Variants in CEP192 observed in about 807,000 individuals in gnomAD.
CEP192 encodes centrosomal protein of 192 kDa.
In CEP192, 151 loss-of-function variants were observed where a neutral mutation model predicts 271.8. The ratio of observed to expected loss-of-function variants is 0.56; its 90% CI spans 0.49 to 0.64. The LOEUF (loss-of-function observed/expected upper bound fraction) is 0.64. Ranked by LOEUF, CEP192 falls within the 30% of genes least tolerant of loss-of-function variation. The pLI is 0.00. For synonymous variants in CEP192, 995 were observed against 1,076.5 expected (o/e 0.92, Z 1.48); for missense variants, 2,910 against 3,020.5 (o/e 0.96, Z 0.86).
At chr18:13,023,670 G>T (rs2035122280) in intron 9 of CEP192, among the ~76,000 whole-genome samples, 1 of 152,046 alleles carries the variant, frequency 6.6e-6, no homozygotes, top group Non-Finnish European at 1.5e-5. Flanking sequence ...GTGTTTATGG[G>T]AGAAATTGGT....
chr18:13,003,790 A>G lies in CEP192; in HGVS notation c.290+2208A>G, dbSNP rs188654510. On this transcript the variant is annotated intron_variant, in intron 3 of 44. Coordinates refer to ENST00000506447, the MANE Select transcript of CEP192 (RefSeq NM_032142.4). ...ACTCTAGTCTGGGTGACAGAGTGAG[A>G]CCCTATCTCAAAAAAAGGCCCACTC... Among the ~76,000 whole-genome samples the G allele has an allele frequency of 2.2e-3, 332 of 152,238 alleles. 3 individuals carry two copies. Among genetic ancestry groups the G allele is most frequent in the Non-Finnish European group, 4.1e-3 (276 of 67,994 alleles).
intron 17 of CEP192, among the ~76,000 whole-genome samples, chr18:13,051,639 G>A: frequency 6.6e-6 from 1 of 152,126 alleles, no homozygotes; most frequent in Non-Finnish European, 1.5e-5. Flanking sequence ...CGCCTCCCAG[G>A]TTCACGCCAT....
intron 21 of CEP192, among the ~76,000 whole-genome samples, chr18:13,067,607 C>G (rs1441257987): frequency 5.9e-5 from 9 of 152,120 alleles, no homozygotes; most frequent in Non-Finnish European, 1.2e-4. Flanking sequence ...GTAACAGCAG[C>G]TGAATTCTGT....
In CEP192 at chr18:13,056,625, A is replaced by G; in HGVS notation, c.4035A>G (p.Lys1345=). The G allele has an allele frequency of 6.2e-7, 1 of 1,614,026 alleles. No homozygotes were observed. The highest frequency in any genetic ancestry group is 8.5e-7 in the Non-Finnish European group (1 of 1,179,960). The change falls in exon 19 of 45, where the codon AAA becomes AAG. Residue 1345 remains lysine, a synonymous_variant. Coordinates refer to ENST00000506447, the MANE Select transcript of CEP192 (RefSeq NM_032142.4). ...ATCAGAACCTGCTAAGCACAACAAA[A>G]CCTTTTCCTGTGCCGTCTGTTGGTA... ...TLNQNLLSTT[K]PFPVPSVGTN...
chr18:13,015,064 G>A (rs977178800), intron 5 of CEP192, among the ~76,000 whole-genome samples: 2 of 152,198 alleles, frequency 1.3e-5, no homozygotes, highest in Non-Finnish European at 2.9e-5. Context: ...TATATTACGA[G>A]CCTCTCTGAG....
rs542989427 is a variant in CEP192 at position 13,042,222 on chromosome 18, C to T, written c.1955C>T (p.Ser652Phe). 2 of 1,612,418 alleles carry T rather than the reference C, an allele frequency of 1.2e-6. No individual in the cohort carries two copies. Among genetic ancestry groups the T allele is most frequent in the African/African-American group, 2.7e-5 (2 of 74,982 alleles). Residue 652 changes from serine to phenylalanine, a missense_variant, in exon 15 of 45, where the codon TCC becomes TTC. Transcript: ENST00000506447. ...CCTGCAGGAGATTTAAATGAACAGT[C>T]CCAGGCACAGCTAAGTGAAGGATCA... ...DLYSGDLNEQ[S>F]QAQLSEGSIT...
Position 13,068,109 on chromosome 18 carries a change from C to T in CEP192, c.4630C>T (p.Arg1544Cys), listed in dbSNP as rs761281163. 10 of 1,614,194 alleles carry T rather than the reference C, an allele frequency of 6.2e-6. No homozygotes were observed. The highest frequency in any genetic ancestry group is 2.2e-5 in the South Asian group (2 of 91,088). Residue 1544 changes from arginine to cysteine, a missense_variant, in exon 23 of 45, where the codon CGC becomes TGC. Coordinates refer to ENST00000506447, the MANE Select transcript of CEP192 (RefSeq NM_032142.4). ...TTCTAAACAGAACGCTGTAGCCTGGCGCTGTTTCACGTTTTCCAAGGAATC... is the reference window on the plus strand; with the variant it reads ...TTCTAAACAGAACGCTGTAGCCTGGTGCTGTTTCACGTTTTCCAAGGAATC... ...LIINANAVAW[R>C]CFTFSKESVR... is the part of the protein sequence containing the mutation.
chr18:13,079,168 C>T (rs137996557), intron 30 of CEP192, among the ~76,000 whole-genome samples: 9 of 152,196 alleles, frequency 5.9e-5, no homozygotes, highest in African/African-American at 1.9e-4. Context: ...GGGATTGCTG[C>T]GTCAAATGTA....
chr18:13,084,209 G>T (rs575407782), intron 30 of CEP192, among the ~76,000 whole-genome samples: 1 of 152,224 alleles, frequency 6.6e-6, no homozygotes, highest in Admixed American at 6.5e-5. Context: ...CTTTTTTTCA[G>T]CTATGCCCTG....
chr18:13,113,281 C>T (rs187517356), intron 40 of CEP192, among the ~76,000 whole-genome samples: 27 of 152,322 alleles, frequency 1.8e-4, no homozygotes, highest in Non-Finnish European at 3.4e-4. Flanking sequence ...GGACCTTCCT[C>T]GTGTAGGTGT....
chr18:13,079,954 G>A (rs1277861578), intron 30 of CEP192, among the ~76,000 whole-genome samples: 5 of 152,086 alleles, frequency 3.3e-5, no homozygotes, highest in Non-Finnish European at 7.4e-5. Context: ...GTAGATGTGT[G>A]GTGTTATTTC....
At chr18:13,097,013 A>G (rs1296752304) in intron 36 of CEP192, among the ~76,000 whole-genome samples, 1 of 152,176 alleles carries the variant, frequency 6.6e-6, no homozygotes, top group Non-Finnish European at 1.5e-5. Context: ...GACAACATGA[A>G]GTTTATTTAG....
chr18:13,092,789 T>C (rs1198626833), intron 34 of CEP192, among the ~76,000 whole-genome samples: 1 of 152,158 alleles, frequency 6.6e-6, no homozygotes, highest in Non-Finnish European at 1.5e-5. Flanking sequence ...TCTATTTGTA[T>C]GGAAGGTTTT....
Position 13,001,484 on chromosome 18 carries a change from A to C in CEP192, c.192A>C (p.Leu64Phe). 6.5e-7 allele frequency: 1 copy of C among 1,548,198 alleles called. No homozygotes were observed. ...NRYPDIQASY[L>F]VEGRFSVPSG... is the part of the protein sequence containing the mutation. ...ATCCTGATATCCAGGCATCTTACTTAGTAGAAGGGAGATTTTCAGTTCCAT... is the reference window on the plus strand; with the variant it reads ...ATCCTGATATCCAGGCATCTTACTTCGTAGAAGGGAGATTTTCAGTTCCAT... Residue 64 changes from leucine to phenylalanine, a missense_variant, in exon 3 of 45, where the codon TTA becomes TTC. Coordinates refer to ENST00000506447, the MANE Select transcript of CEP192 (RefSeq NM_032142.4).
intron 30 of CEP192, among the ~76,000 whole-genome samples, chr18:13,080,236 C>T (rs1016584482): frequency 6.6e-6 from 1 of 152,160 alleles, no homozygotes; most frequent in Non-Finnish European, 1.5e-5. Flanking sequence ...GCAGTGTGGC[C>T]ATTTTCACGA....
chr18:13,019,895 T>A (rs1292608556), intron 9 of CEP192, among the ~76,000 whole-genome samples: 1 of 151,872 alleles, frequency 6.6e-6, no homozygotes, highest in African/African-American at 2.4e-5. Flanking sequence ...TCACTGCAAC[T>A]TCTGCCTCCC....
At position 13,094,045 on chromosome 18, in the gene CEP192, G is replaced by T. The variant is rs117823990; in HGVS notation, c.6255-1458G>T. ...GGCCAGTTACTTTGTAAAATATCCCGCAATTTCAGTTTGCAGATTCAATTT... is the reference window on the plus strand; with the variant it reads ...GGCCAGTTACTTTGTAAAATATCCCTCAATTTCAGTTTGCAGATTCAATTT... On this transcript the variant is annotated intron_variant, in intron 34 of 44. Coordinates refer to ENST00000506447, the MANE Select transcript of CEP192 (RefSeq NM_032142.4). 9.9e-3 allele frequency among the ~76,000 whole-genome samples: 1,511 copies of T among 152,222 alleles called. 15 individuals are homozygous for T. The highest frequency in any genetic ancestry group is 0.015 in the Non-Finnish European group (1,031 of 68,002).
intron 21 of CEP192, among the ~76,000 whole-genome samples, chr18:13,067,259 A>G (rs2037758700): frequency 6.6e-6 from 1 of 152,146 alleles, no homozygotes; most frequent in Non-Finnish European, 1.5e-5. Context: ...AAATACTATG[A>G]CATTTCCTAT....
chr18:13,083,251 G>T (rs1372670840), intron 30 of CEP192, among the ~76,000 whole-genome samples: 1 of 152,168 alleles, frequency 6.6e-6, no homozygotes, highest in South Asian at 2.1e-4. Context: ...TCACTTTCAG[G>T]TACACCAATC....
Sources: allele counts gnomAD v4.1 joint callset (sites outside exome capture counted in the v4.1 genomes callset), GRCh38; gene constraint gnomAD v4.1.1; transcripts MANE v1.5; gene names NCBI Gene and HGNC (gene_info 2026-07-23, HGNC 2026-07-21).